The following KALRN variants were observed in gnomAD, a reference collection of about 807,000 sequenced individuals.
The protein encoded by KALRN is kalirin RhoGEF kinase, also known as kalirin.
A neutral mutation model predicts 353.7 loss-of-function variants in KALRN; 70 were observed. The observed-to-expected ratio is 0.20, with a 90% CI of 0.16 to 0.24. The LOEUF (loss-of-function observed/expected upper bound fraction) is 0.24, where lower values mean the gene tolerates loss of function less well. Among genes scored for constraint, KALRN ranks in the 10% least tolerant of loss-of-function variants. The probability of loss-of-function intolerance (pLI) is 1.00; values close to 1 mark genes in which losing one functional copy is unlikely to be tolerated. For synonymous variants in KALRN, 1,391 were observed against 1,434.8 expected (o/e 0.97, Z 0.69); for missense variants, 2,791 against 3,756.7 (o/e 0.74, Z 6.72).
intron 37 of KALRN, among the ~76,000 whole-genome samples, chr3:124,645,044 T>C (rs528601688): frequency 1.3e-5 from 2 of 152,386 alleles, no homozygotes; most frequent in Admixed American, 6.5e-5. Flanking sequence ...TGGTATCTTA[T>C]TGTGGTTTTG....
chr3:124,405,638 G>GTTTT (rs71145451), intron 13 of KALRN, among the ~76,000 whole-genome samples: 11 of 83,878 alleles, frequency 1.3e-4, no homozygotes, highest in Non-Finnish European at 1.6e-4. Context: ...GGACCTCAGG[G>GTTTT]TTTTTTTTTT....
chr3:124,595,856 C>T (rs964419460), intron 34 of KALRN, among the ~76,000 whole-genome samples: 3 of 152,014 alleles, frequency 2.0e-5, no homozygotes, highest in African/African-American at 7.3e-5. Context: ...GTATAATAAG[C>T]GAATGCCTTT....
intron 2 of KALRN, among the ~76,000 whole-genome samples, chr3:124,232,231 A>C (rs3755654): frequency 9.6e-4 from 146 of 152,224 alleles, no homozygotes; most frequent in African/African-American, 3.4e-3. Context: ...CAAAGCTTTC[A>C]ACAGAGCTTT....
chr3:124,357,714 A>C (rs1482530761), intron 10 of KALRN, among the ~76,000 whole-genome samples: 2 of 152,170 alleles, frequency 1.3e-5, no homozygotes, highest in East Asian at 3.9e-4. Flanking sequence ...TACTCTGGTC[A>C]TATCTCTATT....
At chr3:124,058,805 G>A (rs983245674) in intron 1 of KALRN, among the ~76,000 whole-genome samples, 1 of 151,970 alleles carries the variant, frequency 6.6e-6, no homozygotes, top group Admixed American at 6.5e-5. Flanking sequence ...TCATCCTCCA[G>A]GCTGAAGATG....
chr3:124,672,154 G>T (rs1267511775), intron 48 of KALRN, among the ~76,000 whole-genome samples: 3 of 152,140 alleles, frequency 2.0e-5, no homozygotes, highest in Admixed American at 2.0e-4. Context: ...CACCATGTTG[G>T]CCAGGCTGGT....
intron 10 of KALRN, among the ~76,000 whole-genome samples, chr3:124,351,707 G>A (rs1474540203): frequency 6.6e-6 from 1 of 152,196 alleles, no homozygotes; most frequent in African/African-American, 2.4e-5. Flanking sequence ...ATTTAGGGCA[G>A]CTATTAAAAT....
chr3:124,563,456 C>T (rs972129777), intron 34 of KALRN, among the ~76,000 whole-genome samples: 2 of 152,276 alleles, frequency 1.3e-5, no homozygotes, highest in Non-Finnish European at 2.9e-5. Flanking sequence ...TCCACTGACC[C>T]ACTCCCGCTC....
intron 1 of KALRN, among the ~76,000 whole-genome samples, chr3:124,103,092 G>A (rs965410963): frequency 2.0e-5 from 3 of 152,156 alleles, no homozygotes; most frequent in African/African-American, 7.2e-5. Context: ...GATGGGAAGA[G>A]CTCCATCTGT....
chr3:124,622,368 G>T (rs995823763), intron 34 of KALRN, among the ~76,000 whole-genome samples: 1 of 152,152 alleles, frequency 6.6e-6, no homozygotes, highest in Non-Finnish European at 1.5e-5. Flanking sequence ...GGTTTATATG[G>T]AGCAACTGGA....
intron 33 of KALRN, among the ~76,000 whole-genome samples, chr3:124,510,230 G>A (rs1387009024): frequency 1.3e-5 from 2 of 152,174 alleles, no homozygotes; most frequent in Non-Finnish European, 2.9e-5. Context: ...AATGTTCCAC[G>A]TTAGATTTTA....
chr3:124,516,645 A>AC (rs2066598676), intron 33 of KALRN, among the ~76,000 whole-genome samples: 1 of 151,726 alleles, frequency 6.6e-6, no homozygotes, highest in African/African-American at 2.4e-5. Flanking sequence ...ATAAAAAAAA[A>AC]AAAAAAAAAA....
chr3:124,535,763 G>A (rs1009000793), intron 33 of KALRN, among the ~76,000 whole-genome samples: 1 of 152,130 alleles, frequency 6.6e-6, no homozygotes, highest in African/African-American at 2.4e-5. Flanking sequence ...AGGTGACACC[G>A]GCTTAAATAA....
Position 124,086,091 on chromosome 3 carries a change from A to G in KALRN, c.73+52278A>G, listed in dbSNP as rs1231841175. ...AGGCTGTGTCATAGTTTATCTTATTAGTTCCTTATTGTGGGACATTTAGGT... is the reference window on the plus strand; with the variant it reads ...AGGCTGTGTCATAGTTTATCTTATTGGTTCCTTATTGTGGGACATTTAGGT... On this transcript the variant is annotated intron_variant, in intron 1 of 59. Coordinates refer to ENST00000682506, the MANE Select transcript of KALRN (RefSeq NM_001388419.1). Among the ~76,000 whole-genome samples the G allele has an allele frequency of 2.6e-5, 4 of 152,256 alleles. No homozygotes were observed. The East Asian group carries it at 7.7e-4, about 29-fold the overall frequency.
chr3:124,078,017 GC>G (rs1358735830), intron 1 of KALRN, among the ~76,000 whole-genome samples: 2 of 152,170 alleles, frequency 1.3e-5, no homozygotes, highest in African/African-American at 4.8e-5. Flanking sequence ...AGTTAGCCTG[GC>G]ATATACCGAC....
At chr3:124,192,726 C>T (rs1161702166) in intron 1 of KALRN, among the ~76,000 whole-genome samples, 1 of 152,150 alleles carries the variant, frequency 6.6e-6, no homozygotes, top group African/African-American at 2.4e-5. Context: ...GATGTGTGTG[C>T]ACAGAGGAGA....
At chr3:124,623,545 G>A (rs1425924426) in intron 34 of KALRN, among the ~76,000 whole-genome samples, 1 of 152,070 alleles carries the variant, frequency 6.6e-6, no homozygotes, top group Admixed American at 6.6e-5. Context: ...TCCAATATTT[G>A]AGGATAGGAA....
chr3:124,490,281 A>G (rs1007469597), intron 29 of KALRN, among the ~76,000 whole-genome samples: 1 of 152,208 alleles, frequency 6.6e-6, no homozygotes. Flanking sequence ...CATAAAGAGG[A>G]GCTGAAGACA....
chr3:124,666,510 A>C lies in KALRN; in HGVS notation c.6407A>C (p.Asp2136Ala). Residue 2136 changes from aspartate to alanine, a missense_variant, in exon 46 of 60, where the codon GAT (aspartate) becomes GCT (alanine). Physicochemically the swap from Asp to Ala is moderately radical, Grantham distance 126. Around this residue, in one of 11 missense-constraint regions of KALRN, gnomAD observed 1,065 missense variants for 1,156.4 expected, o/e 0.92. Transcript: ENST00000682506. ...GACACATTCTATGTGATCGAGCTGG[A>C]TGCAGGCATGCAGTCCCGGACCAAA... ...QQDTFYVIEL[D>A]AGMQSRTKER... 1 of 1,614,046 alleles carries C rather than the reference A, an allele frequency of 6.2e-7. No individual in the cohort carries two copies. The highest frequency in any genetic ancestry group is 8.5e-7 in the Non-Finnish European group (1 of 1,179,914).
Sources: gnomAD v4.1 joint callset for allele counts (sites outside exome capture counted in the v4.1 genomes callset) on GRCh38, gnomAD v4.1.1 for gene constraint, gnomAD v4.1.1 regional missense constraint, MANE v1.5 for transcripts, NCBI Gene and HGNC (gene_info 2026-07-23, HGNC 2026-07-21) for gene names.